Variants in RFX3 observed in about 807,000 individuals in gnomAD.
The protein encoded by RFX3 is regulatory factor X3, also known as transcription factor RFX3.
In RFX3, 14 loss-of-function variants were observed where a neutral mutation model predicts 98.6. That is an observed-to-expected ratio of 0.14 (90% CI 0.09 to 0.22). The LOEUF is 0.22. RFX3 is among the 10% of genes least tolerant of loss of function. RFX3 has a pLI of 1.00. For synonymous variants in RFX3, 383 were observed against 328.4 expected (o/e 1.17, Z -1.80); for missense variants, 639 against 926.9 (o/e 0.69, Z 4.03).
At chr9:3,420,726 C>A in intron 1 of RFX3, 1 of 919,818 alleles carries the variant, frequency 1.1e-6, no homozygotes, top group Non-Finnish European at 1.3e-6. Flanking sequence ...TTTCTATAAA[C>A]CCCTGTATCC....
At chr9:3,367,160 G>C (rs573621405) in intron 2 of RFX3, among the ~76,000 whole-genome samples, 22 of 152,228 alleles carry the variant, frequency 1.4e-4, no homozygotes, top group Middle Eastern at 3.4e-3. Context: ...CGTTAAAATT[G>C]AGTAGGCCTG....
chr9:3,380,030 G>A (rs1338655082), intron 2 of RFX3, among the ~76,000 whole-genome samples: 1 of 151,862 alleles, frequency 6.6e-6, no homozygotes, highest in Admixed American at 6.6e-5. Flanking sequence ...AGGTTCAAGC[G>A]ATTCTCCTGC....
chr9:3,358,816 C>T (rs1034886772), intron 2 of RFX3, among the ~76,000 whole-genome samples: 4 of 151,952 alleles, frequency 2.6e-5, no homozygotes, highest in Admixed American at 6.6e-5. Flanking sequence ...GGGAAGCAAA[C>T]ACAAGTCCTT....
At chr9:3,373,807 A>G (rs1376385162) in intron 2 of RFX3, among the ~76,000 whole-genome samples, 1 of 152,192 alleles carries the variant, frequency 6.6e-6, no homozygotes, top group Non-Finnish European at 1.5e-5. Context: ...AGCCAAGCAC[A>G]GTGGCTCACG....
intron 4 of RFX3, among the ~76,000 whole-genome samples, chr9:3,302,989 A>T (rs1221716004): frequency 1.3e-5 from 2 of 151,830 alleles, no homozygotes; most frequent in Non-Finnish European, 1.5e-5. Context: ...AATTCTTAAA[A>T]TAGATATTAA....
At chr9:3,340,982 T>G (rs967305599) in intron 3 of RFX3, among the ~76,000 whole-genome samples, 1 of 152,132 alleles carries the variant, frequency 6.6e-6, no homozygotes, top group Non-Finnish European at 1.5e-5. Context: ...CTATTCACAA[T>G]AGCAAACACT....
intron 8 of RFX3, among the ~76,000 whole-genome samples, 189 bp from the exon 9 acceptor site, chr9:3,275,801 C>T (rs1421019413): frequency 3.3e-5 from 5 of 151,962 alleles, no homozygotes; most frequent in African/African-American, 1.2e-4. Context: ...AAATATAAAA[C>T]TAAAGGGAAC....
At chr9:3,504,172 ATATATTATACAT>A (rs1187986764) in intron 1 of RFX3, among the ~76,000 whole-genome samples, 1 of 98,112 alleles carries the variant, frequency 1.0e-5, no homozygotes, top group Non-Finnish European at 1.7e-5. Flanking sequence ...TATATATATT[ATATATTATACAT>A]ATTATATATT....
At chr9:3,306,391 T>C (rs1829316214) in intron 4 of RFX3, among the ~76,000 whole-genome samples, 1 of 151,930 alleles carries the variant, frequency 6.6e-6, no homozygotes, top group East Asian at 1.9e-4. Context: ...GTGCTGCTGA[T>C]AGTGGGAAAT....
intron 13 of RFX3, among the ~76,000 whole-genome samples, chr9:3,261,131 C>G (rs913867110): frequency 6.6e-6 from 1 of 151,956 alleles, no homozygotes; most frequent in African/African-American, 2.4e-5. Flanking sequence ...TTTTTAACAG[C>G]TTTACTGAAA....
At chr9:3,336,918 G>C (rs1197457145) in intron 3 of RFX3, among the ~76,000 whole-genome samples, 4 of 152,156 alleles carry the variant, frequency 2.6e-5, no homozygotes, top group Non-Finnish European at 5.9e-5. Flanking sequence ...AATGATTTGT[G>C]TGTGAATGCC....
Position 3,271,840 on chromosome 9 carries a change from A to G in RFX3, c.1087-722T>C, listed in dbSNP as rs140277011. ...CCAAACAGAGGCTGGGGCAGAAACC[A>G]TGGAGTCAGCAGGCCTTCAGTGGAT... On this transcript the variant is annotated intron_variant, in intron 9 of 16. Coordinates refer to ENST00000617270, the MANE Select transcript of RFX3 (RefSeq NM_001282116.2). Among the ~76,000 whole-genome samples, 1,418 of 152,308 alleles carry G rather than the reference A, an allele frequency of 9.3e-3. 10 individuals are homozygous for G. The highest frequency in any genetic ancestry group is 0.016 in the Non-Finnish European group (1,067 of 68,020).
chr9:3,335,552 C>A (rs986823025), intron 3 of RFX3, among the ~76,000 whole-genome samples: 8 of 152,144 alleles, frequency 5.3e-5, no homozygotes, highest in African/African-American at 1.9e-4. Context: ...CTGGACTGTA[C>A]ATTCCTGAAA....
intron 1 of RFX3, among the ~76,000 whole-genome samples, chr9:3,441,364 T>C (rs986455152): frequency 5.3e-5 from 8 of 152,198 alleles, no homozygotes; most frequent in African/African-American, 1.9e-4. Flanking sequence ...ATATGTTTCC[T>C]GGTTCTGTCT....
At chr9:3,435,456 T>C (rs1251506574) in intron 1 of RFX3, among the ~76,000 whole-genome samples, 2 of 151,930 alleles carry the variant, frequency 1.3e-5, no homozygotes, top group Non-Finnish European at 1.5e-5. Context: ...TAGGCCTACA[T>C]AGGCTCAGGA....
At chr9:3,329,407 CAAA>C (rs1202028884) in intron 4 of RFX3, among the ~76,000 whole-genome samples, 2 of 38,166 alleles carry the variant, frequency 5.2e-5, no homozygotes, top group East Asian at 6.7e-4. Context: ...GACTTCATCT[CAAA>C]AAAAAAAAAA....
At position 3,280,063 on chromosome 9, in the gene RFX3, T is replaced by C. The variant is rs532512199; in HGVS notation, c.852-2602A>G. On this transcript the variant is annotated intron_variant, in intron 7 of 16. Coordinates refer to ENST00000617270, the MANE Select transcript of RFX3 (RefSeq NM_001282116.2). ...ATCAGAACTTGGAAATGAGTGTTTTTTCATTCTAACCACAAGAGTAAGGGT... is the reference window on the plus strand; with the variant it reads ...ATCAGAACTTGGAAATGAGTGTTTTCTCATTCTAACCACAAGAGTAAGGGT... 3.3e-5 allele frequency among the ~76,000 whole-genome samples: 5 copies of C among 151,944 alleles called. No individual in the cohort carries two copies. The East Asian group carries it at 9.7e-4, about 29-fold the overall frequency.
At chr9:3,424,607 G>A (rs564153350) in intron 1 of RFX3, among the ~76,000 whole-genome samples, 23 of 151,896 alleles carry the variant, frequency 1.5e-4, no homozygotes, top group Admixed American at 5.2e-4. Context: ...TGCTCCGCCC[G>A]CCTCGGCCTC....
At chr9:3,347,045 G>A (rs554285184) in intron 2 of RFX3, among the ~76,000 whole-genome samples, 9 of 152,272 alleles carry the variant, frequency 5.9e-5, no homozygotes, top group African/African-American at 2.2e-4. Flanking sequence ...TCTTGGCCAG[G>A]CACGGTGGCT....
Sources: gnomAD v4.1 joint callset for allele counts (sites outside exome capture counted in the v4.1 genomes callset) on GRCh38, gnomAD v4.1.1 for gene constraint, MANE v1.5 for transcripts, NCBI Gene and HGNC (gene_info 2026-07-23, HGNC 2026-07-21) for gene names.